Variants in PRMT3 observed in about 807,000 individuals in gnomAD.
The protein encoded by PRMT3 is protein arginine methyltransferase 3.
Under a neutral mutation model 71.9 loss-of-function variants are expected in PRMT3, and 62 were observed. The ratio of observed to expected loss-of-function variants is 0.86; its 90% CI spans 0.70 to 1.07. The LOEUF is 1.07. Among genes scored for constraint, PRMT3 ranks in the 50% least tolerant of loss-of-function variants. The pLI is 0.00. For synonymous variants in PRMT3, 213 were observed against 220.4 expected (o/e 0.97, Z 0.30); for missense variants, 663 against 643.0 (o/e 1.03, Z -0.34).
At chr11:20,431,203 T>G (rs1204946615) in intron 10 of PRMT3, among the ~76,000 whole-genome samples, 1 of 152,226 alleles carries the variant, frequency 6.6e-6, no homozygotes, top group East Asian at 1.9e-4. Flanking sequence ...CCTCAGACAT[T>G]TATAATTTTA....
chr11:20,466,563 G>A (rs956377706), intron 13 of PRMT3, among the ~76,000 whole-genome samples: 1 of 152,128 alleles, frequency 6.6e-6, no homozygotes, highest in East Asian at 1.9e-4. Context: ...GTTTTGGAAA[G>A]CAGTTTTAGC....
intron 8 of PRMT3, chr11:20,406,740 G>T (rs939048098): frequency 2.0e-5 from 3 of 151,998 alleles, no homozygotes; most frequent in African/African-American, 7.3e-5. Context: ...TTTCACAGTG[G>T]GTGTACCATT....
intron 9 of PRMT3, among the ~76,000 whole-genome samples, chr11:20,417,070 T>G (rs1208222478): frequency 6.6e-6 from 1 of 152,154 alleles, no homozygotes; most frequent in Non-Finnish European, 1.5e-5. Flanking sequence ...GAAGAATGGC[T>G]CCACCTCCAC....
intron 9 of PRMT3, among the ~76,000 whole-genome samples, chr11:20,409,889 G>T (rs1463670969): frequency 6.6e-6 from 1 of 151,952 alleles, no homozygotes; most frequent in Non-Finnish European, 1.5e-5. Flanking sequence ...TGTTTTAGAA[G>T]AATTCTCAAA....
chr11:20,404,379 A>G (rs1194673455), intron 8 of PRMT3, among the ~76,000 whole-genome samples: 2 of 151,498 alleles, frequency 1.3e-5, no homozygotes, highest in African/African-American at 4.8e-5. Context: ...GACTACAGGC[A>G]CGTGCCACCA....
At chr11:20,483,839 G>A (rs987453364) in intron 13 of PRMT3, among the ~76,000 whole-genome samples, 1 of 152,112 alleles carries the variant, frequency 6.6e-6, no homozygotes, top group Non-Finnish European at 1.5e-5. Flanking sequence ...TTTAAGTATG[G>A]CTTCTTCTTG....
At chr11:20,407,692 A>G (rs567599462) in intron 8 of PRMT3, 51 of 354,974 alleles carry the variant, frequency 1.4e-4, no homozygotes, top group African/African-American at 8.7e-4. Context: ...TATAATTTCA[A>G]TACGTAATGG....
chr11:20,438,632 T>G (rs1486717604), intron 10 of PRMT3, among the ~76,000 whole-genome samples: 1 of 152,110 alleles, frequency 6.6e-6, no homozygotes, highest in African/African-American at 2.4e-5. Context: ...GATGCTTAGC[T>G]TAGCCAGGTC....
chr11:20,441,788 G>GTGTTTTT (rs1491118858), intron 10 of PRMT3, among the ~76,000 whole-genome samples: 24 of 118,502 alleles, frequency 2.0e-4, no homozygotes, highest in Non-Finnish European at 3.8e-4. Flanking sequence ...ATAGTTTCAG[G>GTGTTTTT]TTTTTTTTTT....
chr11:20,494,071 A>G (rs1445355792), intron 14 of PRMT3, 96 bp from the exon 15 acceptor site: 6 of 1,448,798 alleles, frequency 4.1e-6, no homozygotes, highest in Non-Finnish European at 5.8e-6. Flanking sequence ...TTGCTGCTGT[A>G]AGCAATTGGG....
intron 10 of PRMT3, among the ~76,000 whole-genome samples, chr11:20,446,986 C>T (rs969511839): frequency 6.6e-6 from 1 of 152,102 alleles, no homozygotes; most frequent in African/African-American, 2.4e-5. Context: ...TTCATTATCA[C>T]ATTTATGATA....
At chr11:20,407,839 A>G (rs544235465) in intron 8 of PRMT3, 72 bp from the exon 9 acceptor site, 625 of 1,398,376 alleles carry the variant, frequency 4.5e-4, no homozygotes, top group Middle Eastern at 3.4e-3. Context: ...ATCATAATAT[A>G]TGAATAGAAT....
chr11:20,433,732 A>C (rs1326147911), intron 10 of PRMT3, among the ~76,000 whole-genome samples: 4 of 151,810 alleles, frequency 2.6e-5, no homozygotes. Flanking sequence ...GCAATTCTCC[A>C]ACCTCGGCCT....
At chr11:20,400,831 T>C (rs1848932798) in intron 7 of PRMT3, among the ~76,000 whole-genome samples, 1 of 151,694 alleles carries the variant, frequency 6.6e-6, no homozygotes, top group African/African-American at 2.4e-5. Flanking sequence ...TTTTTCTTAG[T>C]TTCAAGGTTG....
At chr11:20,455,707 T>TA (rs1387825214) in intron 11 of PRMT3, among the ~76,000 whole-genome samples, 1 of 152,074 alleles carries the variant, frequency 6.6e-6, no homozygotes, top group Non-Finnish European at 1.5e-5. Context: ...AAACACATTA[T>TA]AAAGCCTTAA....
Position 20,392,903 on chromosome 11 carries a change from A to G in PRMT3, c.304A>G (p.Thr102Ala), listed in dbSNP as rs757405603. 3.2e-6 allele frequency: 5 copies of G among 1,576,690 alleles called. No individual in the cohort carries two copies. The highest frequency in any genetic ancestry group is 1.7e-5 in the Admixed American group (1 of 59,560). Residue 102 changes from threonine (T) to alanine (A), a missense_variant, in exon 5 of 16, where the codon ACA becomes GCA. Coordinates refer to ENST00000331079, the MANE Select transcript of PRMT3 (RefSeq NM_005788.4). The stretch of plus-strand genomic sequence containing the variant: ...AGATTAATTTTATATCCAGAATCCT[A>G]CAGTTGAGTACATGAATTCCATATA... Reference protein sequence around the residue: ...LINFIRLKNPTVEYMNSIYNP... With the variant: ...LINFIRLKNPAVEYMNSIYNP...
chr11:20,401,971 G>C (rs892022044), intron 7 of PRMT3, among the ~76,000 whole-genome samples: 3 of 152,162 alleles, frequency 2.0e-5, no homozygotes, highest in Non-Finnish European at 4.4e-5. Flanking sequence ...TCAGATAGGT[G>C]CTGATCAATG....
At chr11:20,393,267 G>C (rs989627097) in intron 5 of PRMT3, among the ~76,000 whole-genome samples, 1 of 152,176 alleles carries the variant, frequency 6.6e-6, no homozygotes, top group Non-Finnish European at 1.5e-5. Context: ...CTAACACAGT[G>C]AAACCCCATC....
chr11:20,398,088 A>G (rs1260233867), intron 7 of PRMT3, among the ~76,000 whole-genome samples: 2 of 150,624 alleles, frequency 1.3e-5, no homozygotes, highest in South Asian at 4.2e-4. Context: ...TAATCTTTTT[A>G]TGAAATCACT....
Sources: allele counts gnomAD v4.1 joint callset (sites outside exome capture counted in the v4.1 genomes callset), GRCh38; gene constraint gnomAD v4.1.1; transcripts MANE v1.5; gene names NCBI Gene and HGNC (gene_info 2026-07-23, HGNC 2026-07-21).